The following PTPRT variants were observed in gnomAD, a reference collection of about 807,000 sequenced individuals.
The protein encoded by PTPRT is receptor-type tyrosine-protein phosphatase T.
In PTPRT, 56 loss-of-function variants were observed where a neutral mutation model predicts 176.8. The ratio of observed to expected loss-of-function variants is 0.32; its 90% confidence interval spans 0.26 to 0.40. The LOEUF (loss-of-function observed/expected upper bound fraction) is 0.40. Among genes scored for constraint, PTPRT ranks in the 10% least tolerant of loss-of-function variants. PTPRT has a pLI of 1.00. For missense variants in PTPRT, 1,540 were observed against 1,908.2 expected, an observed-to-expected ratio of 0.81 and a Z score of 3.60; for synonymous variants, 783 against 739.0, an observed-to-expected ratio of 1.06 and a Z score of -0.96.
intron 1 of PTPRT, among the ~76,000 whole-genome samples, chr20:43,061,249 A>T (rs77217767): frequency 0.014 from 2,172 of 152,282 alleles, 56 homozygotes; most frequent in African/African-American, 0.049. Context: ...CTCCAGAAAC[A>T]ATCTACTCAA....
chr20:42,219,132 G>C (rs535269470), intron 15 of PTPRT, among the ~76,000 whole-genome samples: 1 of 152,312 alleles, frequency 6.6e-6, no homozygotes, highest in East Asian at 1.9e-4. Context: ...CCTGGGGAAA[G>C]CTAGAATGGA....
the PTPRT span, among the ~76,000 whole-genome samples, chr20:42,032,750 C>T: frequency 2.6e-4 from 39 of 152,138 alleles, no homozygotes; most frequent in Non-Finnish European, 4.4e-5. Context: ...TGCTCTTGCT[C>T]TCTCTCCTTC....
chr20:42,821,856 G>C (rs1182697414), intron 2 of PTPRT, among the ~76,000 whole-genome samples: 2 of 152,114 alleles, frequency 1.3e-5, no homozygotes, highest in Non-Finnish European at 2.9e-5. Context: ...GCTAACAAGG[G>C]ATGTGAAAGA....
chr20:42,622,045 C>T (rs571008313), intron 7 of PTPRT, among the ~76,000 whole-genome samples: 17 of 152,274 alleles, frequency 1.1e-4, no homozygotes, highest in Admixed American at 3.9e-4. Context: ...CTTTGCTAAC[C>T]GTTCTGCACA....
intron 9 of PTPRT, among the ~76,000 whole-genome samples, chr20:42,404,500 A>G (rs2058940951): frequency 6.6e-6 from 1 of 152,170 alleles, no homozygotes; most frequent in Non-Finnish European, 1.5e-5. Flanking sequence ...TCAAATAGAA[A>G]AATTTGACTA....
At chr20:42,972,676 CAAAA>C (rs33947245) in intron 1 of PTPRT, among the ~76,000 whole-genome samples, 4 of 77,576 alleles carry the variant, frequency 5.2e-5, no homozygotes, top group Admixed American at 1.8e-4. Flanking sequence ...TCTCAAAAAG[CAAAA>C]AAAAAAAAAA....
intron 15 of PTPRT, among the ~76,000 whole-genome samples, chr20:42,205,884 TCCA>T (rs2055446385): frequency 6.6e-6 from 1 of 152,148 alleles, no homozygotes; most frequent in Non-Finnish European, 1.5e-5. Context: ...CCTCTTTGAA[TCCA>T]GGATGCTCTG....
chr20:43,158,560 C>T (rs189833191), intron 1 of PTPRT, among the ~76,000 whole-genome samples: 53 of 152,268 alleles, frequency 3.5e-4, no homozygotes, highest in Non-Finnish European at 5.9e-4. Context: ...ATTTCATCTC[C>T]CCCATTCTGT....
the PTPRT span, among the ~76,000 whole-genome samples, chr20:42,041,490 C>A: frequency 6.6e-6 from 1 of 152,162 alleles, no homozygotes; most frequent in Non-Finnish European, 1.5e-5. Context: ...TTTAATATCT[C>A]TTGTCTAGAC....
At chr20:42,979,375 T>C (rs1480691370) in intron 1 of PTPRT, among the ~76,000 whole-genome samples, 2 of 152,224 alleles carry the variant, frequency 1.3e-5, no homozygotes, top group Non-Finnish European at 2.9e-5. Flanking sequence ...CAAATGTTTA[T>C]GAATTTTACA....
At chr20:43,110,927 G>C (rs139409669) in intron 1 of PTPRT, among the ~76,000 whole-genome samples, 73 of 152,256 alleles carry the variant, frequency 4.8e-4, no homozygotes, top group Non-Finnish European at 8.1e-4. Flanking sequence ...TCTCAGTGAC[G>C]AGGCAGCACC....
chr20:42,559,218 C>T (rs2072910291), intron 7 of PTPRT, among the ~76,000 whole-genome samples: 1 of 152,202 alleles, frequency 6.6e-6, no homozygotes, highest in Admixed American at 6.5e-5. Flanking sequence ...GCTGCCTGAT[C>T]TGTGATGTAT....
intron 1 of PTPRT, among the ~76,000 whole-genome samples, chr20:43,008,509 G>A (rs965997249): frequency 6.6e-6 from 1 of 151,978 alleles, no homozygotes; most frequent in Non-Finnish European, 1.5e-5. Flanking sequence ...TGGCCATCAT[G>A]GTAAAACCCC....
chr20:42,647,038 G>A (rs1351676414), intron 7 of PTPRT, among the ~76,000 whole-genome samples: 1 of 151,314 alleles, frequency 6.6e-6, no homozygotes, highest in Non-Finnish European at 1.5e-5. Flanking sequence ...GGGACTACAG[G>A]GTGTGTTACC....
chr20:42,715,772 C>A (rs2076213783), intron 6 of PTPRT, among the ~76,000 whole-genome samples: 1 of 152,178 alleles, frequency 6.6e-6, no homozygotes, highest in South Asian at 2.1e-4. Flanking sequence ...GTGGTAGATT[C>A]TCCCAAAATT....
chr20:42,512,399 T>G (rs980012438), intron 7 of PTPRT, among the ~76,000 whole-genome samples: 1 of 152,316 alleles, frequency 6.6e-6, no homozygotes, highest in African/African-American at 2.4e-5. Context: ...ATATGTAGGC[T>G]TTTGAGTGTC....
chr20:43,143,156 C>T (rs1007853171), intron 1 of PTPRT, among the ~76,000 whole-genome samples: 2 of 152,172 alleles, frequency 1.3e-5, no homozygotes, highest in Non-Finnish European at 2.9e-5. Flanking sequence ...GGGTGGTGAT[C>T]AGAAGCCTCC....
chr20:42,866,355 A>G (rs2078746607), intron 2 of PTPRT, among the ~76,000 whole-genome samples: 1 of 152,168 alleles, frequency 6.6e-6, no homozygotes, highest in African/African-American at 2.4e-5. Flanking sequence ...ACAGAACTTC[A>G]AAGAATAGGC....
intron 7 of PTPRT, among the ~76,000 whole-genome samples, chr20:42,526,072 TTG>T: frequency 6.6e-6 from 1 of 152,258 alleles, no homozygotes; most frequent in Non-Finnish European, 1.5e-5. Context: ...AAATAATTCT[TTG>T]TTTAGATTTA....
Sources: allele counts gnomAD v4.1 joint callset (sites outside exome capture counted in the v4.1 genomes callset), GRCh38; gene constraint gnomAD v4.1.1; transcripts MANE v1.5; gene names NCBI Gene and HGNC (gene_info 2026-07-23, HGNC 2026-07-21).